The following NDUFS4 variants were observed in gnomAD, a reference collection of about 807,000 sequenced individuals.
NDUFS4 encodes NADH dehydrogenase [ubiquinone] iron-sulfur protein 4, mitochondrial.
In NDUFS4, 28 loss-of-function variants were observed where a neutral mutation model predicts 24.3. The observed-to-expected ratio is 1.15, with a 90% CI of 0.85 to 1.58. The LOEUF is 1.58. Ranked by LOEUF, NDUFS4 falls within the 40% of genes most tolerant of loss-of-function variation. The probability of loss-of-function intolerance (pLI) is 0.00; values close to 1 mark genes in which losing one functional copy is unlikely to be tolerated. For synonymous variants in NDUFS4, 93 were observed against 69.7 expected, an observed-to-expected ratio of 1.34 and a Z score of -1.67; for missense variants, 223 against 207.9, an observed-to-expected ratio of 1.07 and a Z score of -0.45.
chr5:53,563,354 A>T (rs773012299), intron 1 of NDUFS4, among the ~76,000 whole-genome samples: 6 of 152,042 alleles, frequency 3.9e-5, no homozygotes, highest in Non-Finnish European at 5.9e-5. Context: ...ACACATACAC[A>T]CAAGAGAGAA....
At chr5:53,610,934 C>G (rs1750674986) in intron 2 of NDUFS4, among the ~76,000 whole-genome samples, 2 of 152,090 alleles carry the variant, frequency 1.3e-5, no homozygotes, top group Admixed American at 6.6e-5. Flanking sequence ...GGTTGTCATA[C>G]TTATGTGGAT....
At chr5:53,635,542 T>C (rs1020721081) in intron 2 of NDUFS4, among the ~76,000 whole-genome samples, 38 of 151,868 alleles carry the variant, frequency 2.5e-4, no homozygotes, top group Admixed American at 1.3e-4. Context: ...TAAGTAAAAA[T>C]AAAAAAGAAT....
intron 1 of NDUFS4, among the ~76,000 whole-genome samples, chr5:53,592,608 T>C (rs139883927): frequency 9.9e-5 from 15 of 151,924 alleles, no homozygotes; most frequent in Non-Finnish European, 1.9e-4. Flanking sequence ...AGTTTTTGCA[T>C]GTGGATGTCT....
chr5:53,633,174 C>T (rs768363040), intron 2 of NDUFS4, among the ~76,000 whole-genome samples: 7 of 152,050 alleles, frequency 4.6e-5, no homozygotes, highest in African/African-American at 7.2e-5. Flanking sequence ...ACAAGAGAGT[C>T]CTTTCTGTAA....
chr5:53,631,194 T>A (rs1751399682), intron 2 of NDUFS4, among the ~76,000 whole-genome samples: 1 of 152,188 alleles, frequency 6.6e-6, no homozygotes, highest in African/African-American at 2.4e-5. Flanking sequence ...CCCTGTCTGC[T>A]TGGGTATCAC....
chr5:53,641,903 ATAAC>A (rs1354679733), intron 2 of NDUFS4, among the ~76,000 whole-genome samples: 7 of 152,252 alleles, frequency 4.6e-5, no homozygotes, highest in South Asian at 2.1e-4. Flanking sequence ...TTAGCTGTAA[ATAAC>A]TAATAGTCTG....
intron 2 of NDUFS4, among the ~76,000 whole-genome samples, chr5:53,643,981 TATAA>T (rs1751773309): frequency 6.6e-6 from 1 of 152,152 alleles, no homozygotes; most frequent in African/African-American, 2.4e-5. Flanking sequence ...GAGTTCAAAA[TATAA>T]ATAGCTTAGC....
chr5:53,666,139 C>A (rs1200390898), intron 4 of NDUFS4, among the ~76,000 whole-genome samples: 1 of 152,154 alleles, frequency 6.6e-6, no homozygotes, highest in Non-Finnish European at 1.5e-5. Flanking sequence ...TCTTTGTGAA[C>A]TGTAACATAG....
chr5:53,658,512 C>G (rs1752227946), intron 3 of NDUFS4, 39 bp from the exon 4 acceptor site: 11 of 1,415,330 alleles, frequency 7.8e-6, no homozygotes, highest in Non-Finnish European at 1.0e-5. Context: ...TCAGCTAAAG[C>G]TTAATGTTAA....
rs928798341 is a variant in NDUFS4 at position 53,590,557 on chromosome 5, A to G, written c.99-12895A>G. ...CAAATGAATAATCATATTGAAGTTCAACAGCTTAATTCTGGACTTCTGAAA... is the reference window on the plus strand; with the variant it reads ...CAAATGAATAATCATATTGAAGTTCGACAGCTTAATTCTGGACTTCTGAAA... On this transcript the variant is annotated intron_variant, in intron 1 of 4. Transcript: ENST00000296684. Among the ~76,000 whole-genome samples the G allele has an allele frequency of 2.0e-5, 3 of 152,318 alleles. No individual in the cohort carries two copies. In the East Asian group the frequency reaches 5.8e-4, roughly 29 times the overall value.
intron 1 of NDUFS4, among the ~76,000 whole-genome samples, chr5:53,596,577 T>C (rs1039711537): frequency 1.3e-5 from 2 of 152,238 alleles, no homozygotes; most frequent in Admixed American, 6.5e-5. Flanking sequence ...ATTCAAGATA[T>C]TGAAAAGCTT....
intron 3 of NDUFS4, among the ~76,000 whole-genome samples, chr5:53,647,804 C>A (rs1156990674): frequency 1.3e-5 from 2 of 152,160 alleles, no homozygotes; most frequent in African/African-American, 4.8e-5. Flanking sequence ...TATTCAACAT[C>A]ATTGCCTGTT....
intron 2 of NDUFS4, among the ~76,000 whole-genome samples, chr5:53,622,755 T>A (rs1233195014): frequency 1.3e-5 from 2 of 152,180 alleles, no homozygotes; most frequent in Non-Finnish European, 2.9e-5. Flanking sequence ...TTGCACAAAG[T>A]TTACCATTTT....
At chr5:53,658,827 A>T (rs1430889766) in intron 4 of NDUFS4, 1 of 542,532 alleles carries the variant, frequency 1.8e-6, no homozygotes, top group East Asian at 3.1e-5. Flanking sequence ...TGCTCATACA[A>T]CATGTAAAAG....
intron 1 of NDUFS4, chr5:53,573,610 A>G (rs1423443508): frequency 4.4e-6 from 2 of 452,816 alleles, no homozygotes; most frequent in East Asian, 7.0e-5. Flanking sequence ...TTTTTTAGAG[A>G]CAGGGCCTTG....
At chr5:53,604,760 C>T (rs1010515447) in intron 2 of NDUFS4, 2 of 456,152 alleles carry the variant, frequency 4.4e-6, no homozygotes, top group Non-Finnish European at 8.8e-6. Context: ...ATTCTGTGGT[C>T]TAGCCACACC....
chr5:53,636,048 CTTA>C (rs1285070171), intron 2 of NDUFS4, among the ~76,000 whole-genome samples: 1 of 152,082 alleles, frequency 6.6e-6, no homozygotes, highest in Non-Finnish European at 1.5e-5. Context: ...AAATGTTTTA[CTTA>C]TTATTTATTT....
At chr5:53,606,434 C>A (rs1750511208) in intron 2 of NDUFS4, among the ~76,000 whole-genome samples, 1 of 152,030 alleles carries the variant, frequency 6.6e-6, no homozygotes, top group Non-Finnish European at 1.5e-5. Flanking sequence ...GCGGCGCGAT[C>A]TCGGCTCACT....
intron 1 of NDUFS4, among the ~76,000 whole-genome samples, chr5:53,581,737 G>A (rs1749573001): frequency 6.6e-6 from 1 of 152,068 alleles, no homozygotes; most frequent in Non-Finnish European, 1.5e-5. Context: ...GTACTTATCT[G>A]TGAAGTCTTA....
Sources: allele counts gnomAD v4.1 joint callset (sites outside exome capture counted in the v4.1 genomes callset), GRCh38; gene constraint gnomAD v4.1.1; transcripts MANE v1.5; gene names NCBI Gene and HGNC (gene_info 2026-07-23, HGNC 2026-07-21).